The following LHX8 variants were observed in gnomAD, a reference collection of about 807,000 sequenced individuals.
The protein encoded by LHX8 is LIM homeobox 8, also known as LIM/homeobox protein Lhx8.
A neutral mutation model predicts 40.3 loss-of-function variants in LHX8; 12 were observed. The observed-to-expected ratio is 0.30, with a 90% confidence interval of 0.19 to 0.48. LHX8 has a LOEUF of 0.48. Among genes scored for constraint, LHX8 ranks in the 20% least tolerant of loss-of-function variants. The pLI, the probability that LHX8 is intolerant of heterozygous loss-of-function variation, is 0.99. For missense variants in LHX8, 344 were observed against 433.7 expected, an observed-to-expected ratio of 0.79 and a Z score of 1.84; for synonymous variants, 179 against 162.0, an observed-to-expected ratio of 1.10 and a Z score of -0.80.
chr1:75,189,502 A>G, the LHX8 span, among the ~76,000 whole-genome samples: 6 of 152,306 alleles, frequency 3.9e-5, no homozygotes, highest in African/African-American at 1.2e-4. Flanking sequence ...GATATGTACA[A>G]TTTAATTTAT....
chr1:75,156,854 T>C (rs756815644), intron 7 of LHX8, 39 bp from the exon 8 acceptor site: 3 of 1,598,722 alleles, frequency 1.9e-6, no homozygotes, highest in African/African-American at 2.7e-5. Flanking sequence ...GAAGCTGGTG[T>C]GTAACCTACC....
the LHX8 span, among the ~76,000 whole-genome samples, chr1:75,177,800 T>C: frequency 1.3e-5 from 2 of 152,244 alleles, no homozygotes; most frequent in Non-Finnish European, 2.9e-5. Context: ...AGTATGATAC[T>C]GGCTGAGGGT....
chr1:75,176,878 A>G, the LHX8 span, among the ~76,000 whole-genome samples: 1 of 152,164 alleles, frequency 6.6e-6, no homozygotes, highest in African/African-American at 2.4e-5. Context: ...ATCCAGTTTC[A>G]GCTTTCTACA....
the LHX8 span, among the ~76,000 whole-genome samples, chr1:75,177,390 A>G: frequency 6.6e-6 from 1 of 152,118 alleles, no homozygotes; most frequent in Admixed American, 6.5e-5. Flanking sequence ...GGTCCTTCAC[A>G]TCCCTTGTAA....
At chr1:75,171,661 G>A in the LHX8 span, among the ~76,000 whole-genome samples, 1 of 152,136 alleles carries the variant, frequency 6.6e-6, no homozygotes, top group Non-Finnish European at 1.5e-5. Context: ...TAACAAAAAT[G>A]CTACTGAACT....
At chr1:75,130,764 T>C, upstream of LHX8, 2 of 1,608,262 alleles carry the variant, frequency 1.2e-6, no homozygotes, top group Non-Finnish European at 1.7e-6. Flanking sequence ...CTAGAAGCAA[T>C]CTCCTAAAGT....
the LHX8 span, among the ~76,000 whole-genome samples, chr1:75,172,221 G>A: frequency 6.6e-6 from 1 of 152,116 alleles, no homozygotes; most frequent in Non-Finnish European, 1.5e-5. Flanking sequence ...TATTTGGACT[G>A]CTTCTTACAG....
At chr1:75,134,387 C>G (rs955660400), upstream of LHX8, among the ~76,000 whole-genome samples, 1 of 151,452 alleles carries the variant, frequency 6.6e-6, no homozygotes, top group Admixed American at 6.6e-5. Flanking sequence ...AGGAAAAGCT[C>G]AGTGCTCACT....
At chr1:75,157,246 T>C (rs984815564) in intron 8 of LHX8, among the ~76,000 whole-genome samples, 170 bp downstream of exon 8, 2 of 152,194 alleles carry the variant, frequency 1.3e-5, no homozygotes, top group African/African-American at 4.8e-5. Context: ...TTTATTTCTG[T>C]GATTACATTT....
chr1:75,138,907 G>T (rs937541657), intron 3 of LHX8, among the ~76,000 whole-genome samples: 12 of 152,058 alleles, frequency 7.9e-5, no homozygotes, highest in African/African-American at 2.9e-4. Flanking sequence ...CAGTATTATT[G>T]TACCACTTCT....
At chr1:75,136,170 C>G (rs780255597) in intron 1 of LHX8, among the ~76,000 whole-genome samples, 5 of 152,196 alleles carry the variant, frequency 3.3e-5, no homozygotes, top group African/African-American at 1.2e-4. Flanking sequence ...TCTCCCACCC[C>G]CTCCTCAATC....
chr1:75,139,777 G>A (rs1180701767), intron 3 of LHX8, among the ~76,000 whole-genome samples: 3 of 152,072 alleles, frequency 2.0e-5, no homozygotes, highest in African/African-American at 4.8e-5. Flanking sequence ...ACACATAACT[G>A]TAATTAGAAG....
At chr1:75,159,422 T>A (rs1436247095) in intron 8 of LHX8, 1 of 152,158 alleles carries the variant, frequency 6.6e-6, no homozygotes. Flanking sequence ...AATATTGTTT[T>A]TGCTCCTATG....
intron 1 of LHX8, among the ~76,000 whole-genome samples, chr1:75,135,301 A>G (rs1648088630): frequency 6.6e-6 from 1 of 152,254 alleles, no homozygotes; most frequent in Non-Finnish European, 1.5e-5. Flanking sequence ...GTTTGAAATC[A>G]TCTGCAGCCT....
chr1:75,130,892 TTTCA>T, upstream of LHX8: 1 of 755,328 alleles, frequency 1.3e-6, no homozygotes, highest in Non-Finnish European at 2.4e-6. Context: ...TTAGCTGAGA[TTTCA>T]CCTTCAGGGA....
chr1:75,130,769 T>G, upstream of LHX8: 2 of 1,606,448 alleles, frequency 1.2e-6, no homozygotes, highest in Non-Finnish European at 1.7e-6. Context: ...AGCAATCTCC[T>G]AAAGTCTTTT....
chr1:75,152,617 C>T (rs940983570), intron 7 of LHX8, among the ~76,000 whole-genome samples: 1 of 152,120 alleles, frequency 6.6e-6, no homozygotes, highest in Non-Finnish European at 1.5e-5. Flanking sequence ...CGTGCTTGTT[C>T]AATAGTTTCC....
chr1:75,180,259 C>T, the LHX8 span, among the ~76,000 whole-genome samples: 6 of 152,308 alleles, frequency 3.9e-5, no homozygotes, highest in South Asian at 1.2e-3. Flanking sequence ...TGGGGAAGTT[C>T]TCCTGGATAA....
downstream of LHX8, among the ~76,000 whole-genome samples, chr1:75,163,096 T>C (rs1197178455): frequency 6.6e-6 from 1 of 152,148 alleles, no homozygotes; most frequent in Non-Finnish European, 1.5e-5. Flanking sequence ...CAATACTCTT[T>C]AAGTGATTCT....
Sources: gnomAD v4.1 joint callset for allele counts (sites outside exome capture counted in the v4.1 genomes callset) on GRCh38, gnomAD v4.1.1 for gene constraint, MANE v1.5 for transcripts, NCBI Gene and HGNC (gene_info 2026-07-23, HGNC 2026-07-21) for gene names.